RGL1: variants seen among roughly 807,000 people sequenced by gnomAD.
The protein encoded by RGL1 is ral guanine nucleotide dissociation stimulator-like 1.
In RGL1, 24 loss-of-function variants were observed where a neutral mutation model predicts 95.2. The observed-to-expected ratio is 0.25, with a 90% CI of 0.18 to 0.35. The LOEUF (loss-of-function observed/expected upper bound fraction) is 0.35. Among genes scored for constraint, RGL1 ranks in the 10% least tolerant of loss-of-function variants. The pLI, the probability that RGL1 is intolerant of heterozygous loss-of-function variation, is 1.00. For synonymous variants in RGL1, 329 were observed against 344.9 expected (o/e 0.95, Z 0.51); for missense variants, 715 against 936.3 (o/e 0.76, Z 3.08).
At chr1:183,661,820 T>C (rs1279493061) in intron 1 of RGL1, among the ~76,000 whole-genome samples, 1 of 150,876 alleles carries the variant, frequency 6.6e-6, no homozygotes, top group Non-Finnish European at 1.5e-5. Context: ...AATAAAATAC[T>C]GGCAAACCGA....
At chr1:183,837,326 G>A (rs1663733793) in intron 2 of RGL1, among the ~76,000 whole-genome samples, 1 of 152,194 alleles carries the variant, frequency 6.6e-6, no homozygotes, top group East Asian at 1.9e-4. Context: ...TTTACAGACA[G>A]AGATTGGTTG....
At chr1:183,855,954 A>G (rs958013236) in intron 3 of RGL1, among the ~76,000 whole-genome samples, 1 of 152,186 alleles carries the variant, frequency 6.6e-6, no homozygotes, top group Non-Finnish European at 1.5e-5. Flanking sequence ...CGAAATTAGC[A>G]GAGAGGGTCA....
At chr1:183,701,417 C>T (rs931777387) in intron 1 of RGL1, among the ~76,000 whole-genome samples, 24 of 152,068 alleles carry the variant, frequency 1.6e-4, no homozygotes, top group African/African-American at 5.6e-4. Flanking sequence ...TTCCCTACCC[C>T]GGATTGTATG....
At chr1:183,725,462 A>G (rs1335055754) in intron 1 of RGL1, among the ~76,000 whole-genome samples, 7 of 152,196 alleles carry the variant, frequency 4.6e-5, no homozygotes, top group Admixed American at 6.5e-5. Flanking sequence ...AAACCCAATT[A>G]TGTGTAGTCT....
Position 183,880,764 on chromosome 1 carries a change from C to G in RGL1, c.574C>G (p.Leu192Val), listed in dbSNP as rs1176216736. The change falls in exon 5 of 18, where the codon CTT becomes GTT. Residue 192 changes from leucine (L) to valine (V), a missense_variant. Physicochemically the swap from Leu to Val is conservative, Grantham distance 32. Transcript: ENST00000360851. Reference sequence around the variant, plus strand: ...CCCAGAAAGAAGAGCACAAAATCTTCTTGAGCAGTTTCAGAAGCAAGAAGT... The same window carrying G: ...CCCAGAAAGAAGAGCACAAAATCTTGTTGAGCAGTTTCAGAAGCAAGAAGT... ...SDPERRAQNLLEQFQKQEVET... is the reference protein window; with the variant it reads ...SDPERRAQNLVEQFQKQEVET... 6.2e-7 allele frequency: 1 copy of G among 1,613,944 alleles called. No individual in the cohort carries two copies. Among genetic ancestry groups the G allele is most frequent in the Non-Finnish European group, 8.5e-7 (1 of 1,179,834 alleles).
At chr1:183,711,234 G>A (rs1483019257) in intron 1 of RGL1, among the ~76,000 whole-genome samples, 2 of 152,130 alleles carry the variant, frequency 1.3e-5, no homozygotes, top group Non-Finnish European at 2.9e-5. Flanking sequence ...CTCTACTTTT[G>A]CACACTGGTT....
chr1:183,706,824 A>C (rs1004931487), intron 1 of RGL1, among the ~76,000 whole-genome samples: 11 of 152,184 alleles, frequency 7.2e-5, no homozygotes, highest in African/African-American at 2.4e-4. Context: ...AGGCTAAATT[A>C]AGAAGGTCTC....
chr1:183,748,268 A>G (rs552137425), intron 2 of RGL1, among the ~76,000 whole-genome samples: 2 of 151,918 alleles, frequency 1.3e-5, no homozygotes, highest in Admixed American at 6.6e-5. Flanking sequence ...AATCTTTTCA[A>G]AAAACCAGCT....
chr1:183,856,885 A>C (rs1427525171), intron 3 of RGL1, among the ~76,000 whole-genome samples: 1 of 152,110 alleles, frequency 6.6e-6, no homozygotes, highest in Non-Finnish European at 1.5e-5. Flanking sequence ...GCTGGCTCAC[A>C]CTTTATCAGG....
intron 1 of RGL1, among the ~76,000 whole-genome samples, chr1:183,658,128 G>A (rs1323697047): frequency 2.6e-5 from 4 of 152,260 alleles, no homozygotes; most frequent in South Asian, 4.1e-4. Context: ...CAGCGTGAGC[G>A]ACGCAGAAGA....
At chr1:183,676,692 G>A (rs542851331) in intron 1 of RGL1, among the ~76,000 whole-genome samples, 12 of 143,550 alleles carry the variant, frequency 8.4e-5, no homozygotes, top group Non-Finnish European at 1.6e-4. Flanking sequence ...AGACTCCAGA[G>A]CCAGAGGCCC....
chr1:183,776,655 G>C (rs886707000), intron 2 of RGL1, among the ~76,000 whole-genome samples: 2 of 152,156 alleles, frequency 1.3e-5, no homozygotes, highest in Non-Finnish European at 2.9e-5. Flanking sequence ...CCATGGACAA[G>C]AAAAAGCACA....
At chr1:183,837,562 A>G (rs965298308) in intron 2 of RGL1, among the ~76,000 whole-genome samples, 14 of 147,606 alleles carry the variant, frequency 9.5e-5, no homozygotes, top group African/African-American at 3.3e-4. Context: ...CCTCCGTGCA[A>G]CTCTTAAATC....
intron 2 of RGL1, among the ~76,000 whole-genome samples, chr1:183,820,962 G>T (rs973584920): frequency 1.3e-5 from 2 of 151,834 alleles, no homozygotes; most frequent in South Asian, 2.1e-4. Context: ...GTGAAACCCC[G>T]TCTCTACTAA....
At chr1:183,854,348 G>A (rs1375891380) in intron 3 of RGL1, among the ~76,000 whole-genome samples, 1 of 152,156 alleles carries the variant, frequency 6.6e-6, no homozygotes, top group South Asian at 2.1e-4. Context: ...TTTTCCTGAA[G>A]GGTCAGGGAT....
intron 1 of RGL1, among the ~76,000 whole-genome samples, chr1:183,716,972 G>A (rs1411448453): frequency 2.0e-5 from 3 of 152,146 alleles, no homozygotes; most frequent in Non-Finnish European, 4.4e-5. Flanking sequence ...TTTTGATCCT[G>A]TACTGGATAA....
At chr1:183,774,962 C>T (rs1344646801) in intron 2 of RGL1, among the ~76,000 whole-genome samples, 2 of 152,138 alleles carry the variant, frequency 1.3e-5, no homozygotes, top group Non-Finnish European at 2.9e-5. Context: ...ATCACAGCAT[C>T]CAGACAATGA....
At chr1:183,879,159 T>C (rs1666682469) in intron 4 of RGL1, among the ~76,000 whole-genome samples, 1 of 152,212 alleles carries the variant, frequency 6.6e-6, no homozygotes, top group Admixed American at 6.5e-5. Context: ...ATGCAGATAA[T>C]TGAATATTAT....
intron 8 of RGL1, among the ~76,000 whole-genome samples, chr1:183,891,023 A>G (rs1667387467): frequency 1.3e-5 from 2 of 152,212 alleles, no homozygotes; most frequent in African/African-American, 4.8e-5. Flanking sequence ...CACTTTCCCT[A>G]TAATCCTTGA....
Sources: gnomAD v4.1 joint callset for allele counts (sites outside exome capture counted in the v4.1 genomes callset) on GRCh38, gnomAD v4.1.1 for gene constraint, MANE v1.5 for transcripts, NCBI Gene and HGNC (gene_info 2026-07-23, HGNC 2026-07-21) for gene names.